The following PTPRD variants were observed in gnomAD, a reference collection of about 807,000 sequenced individuals.
PTPRD encodes receptor-type tyrosine-protein phosphatase delta.
PTPRD carries 34 observed loss-of-function variants against 214.5 expected under a neutral mutation model. The ratio of observed to expected loss-of-function variants is 0.16; its 90% CI spans 0.12 to 0.21. The LOEUF is 0.21. PTPRD is among the 10% of genes least tolerant of loss of function. The probability of loss-of-function intolerance (pLI) is 1.00; values close to 1 mark genes in which losing one functional copy is unlikely to be tolerated. For missense variants in PTPRD, 2,545 were observed against 2,398.7 expected (o/e 1.06, Z -1.27); for synonymous variants, 1,128 against 845.7 (o/e 1.33, Z -5.79).
chr9:9,047,571 T>C (rs1471781975), intron 10 of PTPRD, among the ~76,000 whole-genome samples: 2 of 152,016 alleles, frequency 1.3e-5, no homozygotes, highest in Non-Finnish European at 2.9e-5. Context: ...TGCAACAGAA[T>C]AGAGAATCCA....
intron 11 of PTPRD, among the ~76,000 whole-genome samples, chr9:8,784,139 C>T (rs751260326): frequency 3.3e-5 from 5 of 152,148 alleles, no homozygotes; most frequent in East Asian, 1.9e-4. Flanking sequence ...CCCAGCCAAA[C>T]GGTGTTGTGC....
At chr9:9,138,568 C>A (rs535553471) in intron 10 of PTPRD, among the ~76,000 whole-genome samples, 140 of 152,148 alleles carry the variant, frequency 9.2e-4, no homozygotes, top group Non-Finnish European at 1.6e-3. Flanking sequence ...AATGCCTTAA[C>A]TTTTTAAAAG....
intron 3 of PTPRD, among the ~76,000 whole-genome samples, chr9:10,061,982 A>G (rs992880861): frequency 3.9e-5 from 6 of 152,028 alleles, no homozygotes; most frequent in African/African-American, 7.2e-5. Context: ...TCTAAGCCTT[A>G]ACAAGCCCTC....
At chr9:9,339,214 A>C (rs545084193) in intron 9 of PTPRD, among the ~76,000 whole-genome samples, 1 of 152,230 alleles carries the variant, frequency 6.6e-6, no homozygotes, top group South Asian at 2.1e-4. Context: ...GCGGTGGCTC[A>C]TGCCCGTAAT....
chr9:9,788,214 G>A lies in PTPRD; in HGVS notation c.-367-21363C>T, dbSNP rs547677856. ...TGAATGTACAGAGGACAAGCTCCTA[G>A]TCAAATTTTCTTTCACAAAAGGATG... On this transcript the variant is annotated intron_variant, in intron 5 of 45. Coordinates refer to ENST00000381196, the MANE Select transcript of PTPRD (RefSeq NM_002839.4). Among the ~76,000 whole-genome samples the A allele has an allele frequency of 4.3e-4, 65 of 151,982 alleles. 1 individual carries two copies. The highest frequency in any genetic ancestry group is 2.3e-3 in the Admixed American group (35 of 15,258).
At chr9:9,765,307 T>C (rs992305514) in intron 6 of PTPRD, among the ~76,000 whole-genome samples, 4 of 152,126 alleles carry the variant, frequency 2.6e-5, no homozygotes, top group African/African-American at 9.7e-5. Context: ...AAATAAAAAA[T>C]ATGAGTATGT....
intron 11 of PTPRD, among the ~76,000 whole-genome samples, chr9:8,905,367 C>T (rs1417845293): frequency 6.6e-6 from 1 of 151,966 alleles, no homozygotes; most frequent in Admixed American, 6.6e-5. Flanking sequence ...TTTCTGTGTA[C>T]ATTATGGCCC....
rs116471779 is a variant in PTPRD at position 10,132,613 on chromosome 9, T to C, written c.-544-98823A>G. ...TTAGCATGTCCACCATAAGGATAGC[T>C]CTGCTATGCTAAGAATATCTGGACC... On this transcript the variant is annotated intron_variant, in intron 3 of 45. Coordinates refer to ENST00000381196, the MANE Select transcript of PTPRD (RefSeq NM_002839.4). 4.0e-3 allele frequency among the ~76,000 whole-genome samples: 616 copies of C among 152,262 alleles called. 6 individuals carry two copies. Among genetic ancestry groups the C allele is most frequent in the African/African-American group, 0.014 (590 of 41,540 alleles).
chr9:10,300,002 T>C (rs767440156), intron 3 of PTPRD, among the ~76,000 whole-genome samples: 2 of 152,206 alleles, frequency 1.3e-5, no homozygotes, highest in Admixed American at 6.5e-5. Flanking sequence ...GCCAATCTTA[T>C]ATTCATTGCA....
At chr9:9,444,283 C>A (rs1478248588) in intron 8 of PTPRD, among the ~76,000 whole-genome samples, 2 of 152,040 alleles carry the variant, frequency 1.3e-5, no homozygotes, top group African/African-American at 4.8e-5. Flanking sequence ...AAGACAGAGA[C>A]CTCATTAGAG....
Position 8,499,662 on chromosome 9 carries a change from C to T in PTPRD, c.2307G>A (p.Met769Ile), listed in dbSNP as rs1353133921. The T allele has an allele frequency of 2.5e-6, 4 of 1,613,278 alleles. No homozygotes were observed. Among genetic ancestry groups the T allele is most frequent in the African/African-American group, 1.3e-5 (1 of 74,888 alleles). ...AGAGGCTTACCTGTGCATCAGCCAG[C>T]ATGACATCTTTCAGCATGGGCTGGC... ...PKGQPMLKDV[M>I]LADAQWEFDD... The change falls in exon 25 of 46, where the codon ATG (methionine) becomes ATA (isoleucine). Residue 769 changes from methionine to isoleucine, a missense_variant. Coordinates refer to ENST00000381196, the MANE Select transcript of PTPRD (RefSeq NM_002839.4).
chr9:10,473,390 TCA>T (rs1454092766), intron 2 of PTPRD, among the ~76,000 whole-genome samples: 1 of 152,092 alleles, frequency 6.6e-6, no homozygotes, highest in Non-Finnish European at 1.5e-5. Flanking sequence ...CTAGCATGTC[TCA>T]CTTTTATCTA....
At chr9:10,045,935 T>A (rs1320303850) in intron 3 of PTPRD, among the ~76,000 whole-genome samples, 2 of 151,732 alleles carry the variant, frequency 1.3e-5, no homozygotes, top group African/African-American at 2.4e-5. Context: ...TTGGGGAAAA[T>A]CGTCAATTAA....
intron 7 of PTPRD, among the ~76,000 whole-genome samples, chr9:9,677,569 C>G (rs1676086206): frequency 6.6e-6 from 1 of 152,058 alleles, no homozygotes; most frequent in South Asian, 2.1e-4. Flanking sequence ...GGACGTATCT[C>G]AAAATAATAA....
chr9:9,763,285 T>C (rs2098676527), intron 6 of PTPRD, among the ~76,000 whole-genome samples: 1 of 152,150 alleles, frequency 6.6e-6, no homozygotes, highest in African/African-American at 2.4e-5. Flanking sequence ...ATGATGGGTG[T>C]GTTTCTTTTC....
At chr9:10,226,293 C>T (rs1371275717) in intron 3 of PTPRD, among the ~76,000 whole-genome samples, 1 of 152,040 alleles carries the variant, frequency 6.6e-6, no homozygotes, top group Admixed American at 6.6e-5. Flanking sequence ...TGCTCTGTTC[C>T]AAAACACTGT....
intron 3 of PTPRD, among the ~76,000 whole-genome samples, chr9:10,330,942 C>T (rs889890176): frequency 4.6e-5 from 7 of 151,824 alleles, no homozygotes; most frequent in African/African-American, 1.7e-4. Context: ...TGGTGAGAAA[C>T]ATACAAGAAT....
At chr9:9,731,633 A>G (rs2098195307) in intron 7 of PTPRD, among the ~76,000 whole-genome samples, 1 of 152,094 alleles carries the variant, frequency 6.6e-6, no homozygotes, top group South Asian at 2.1e-4. Flanking sequence ...CAATGCAGCC[A>G]TAAAAAAGGA....
At chr9:8,947,561 T>C (rs73425792) in intron 11 of PTPRD, among the ~76,000 whole-genome samples, 1 of 152,092 alleles carries the variant, frequency 6.6e-6, no homozygotes, top group South Asian at 2.1e-4. Flanking sequence ...AGTAGTGATG[T>C]TCATCCTCCT....
Sources: gnomAD v4.1 joint callset for allele counts (sites outside exome capture counted in the v4.1 genomes callset) on GRCh38, gnomAD v4.1.1 for gene constraint, MANE v1.5 for transcripts, NCBI Gene and HGNC (gene_info 2026-07-23, HGNC 2026-07-21) for gene names.